The following SH3GL3 variants were observed in gnomAD, a reference collection of about 807,000 sequenced individuals.
SH3GL3 encodes endophilin-A3.
In SH3GL3, 33 loss-of-function variants were observed where a neutral mutation model predicts 47.7. That is an observed-to-expected ratio of 0.69 (90% CI 0.52 to 0.92). SH3GL3 has a LOEUF of 0.92. Among genes scored for constraint, SH3GL3 ranks in the 40% least tolerant of loss-of-function variants. The probability of loss-of-function intolerance (pLI) is 0.00; values close to 1 mark genes in which losing one functional copy is unlikely to be tolerated. For missense variants in SH3GL3, 363 were observed against 417.8 expected (o/e 0.87, Z 1.14); for synonymous variants, 155 against 148.8 (o/e 1.04, Z -0.30).
At chr15:83,583,460 C>T (rs1657707805) in intron 6 of SH3GL3, among the ~76,000 whole-genome samples, 1 of 152,192 alleles carries the variant, frequency 6.6e-6, no homozygotes, top group Non-Finnish European at 1.5e-5. Flanking sequence ...TTGGGTACAG[C>T]CTAAGCCTTT....
the SH3GL3 span, among the ~76,000 whole-genome samples, chr15:83,624,989 G>T: frequency 6.6e-6 from 1 of 152,100 alleles, no homozygotes; most frequent in Non-Finnish European, 1.5e-5. Flanking sequence ...GGCCAGGCAC[G>T]GTGGCTTATG....
intron 1 of SH3GL3, among the ~76,000 whole-genome samples, chr15:83,529,146 G>A (rs1284706704): frequency 6.6e-6 from 1 of 152,174 alleles, no homozygotes; most frequent in Non-Finnish European, 1.5e-5. Flanking sequence ...GCTTTGCTGG[G>A]GATGCCTTTG....
rs527677543 is a variant in SH3GL3, at chr15:83,527,539, C to T, written c.46-31714C>T. Among the ~76,000 whole-genome samples the T allele has an allele frequency of 2.6e-5, 4 of 152,150 alleles. No homozygotes were observed. In the South Asian group the frequency reaches 6.2e-4, roughly 24 times the overall value. ...TGACATAAATATAGCCATTCCTGCT[C>T]ACTTTTGGTTTCTGTTTGTGCAGAA... is the stretch of plus-strand genomic sequence containing the variant. On this transcript the variant is annotated intron_variant, in intron 1 of 8. Coordinates refer to ENST00000427482, the MANE Select transcript of SH3GL3 (RefSeq NM_003027.5).
chr15:83,562,077 ACACACT>A (rs1343427806), intron 2 of SH3GL3, among the ~76,000 whole-genome samples: 6 of 123,952 alleles, frequency 4.8e-5, no homozygotes, highest in Non-Finnish European at 9.3e-5. Flanking sequence ...ACACACACAC[ACACACT>A]ATAGTGTCCC....
downstream of SH3GL3, among the ~76,000 whole-genome samples, chr15:83,619,136 C>T (rs2060899427): frequency 6.6e-6 from 1 of 152,198 alleles, no homozygotes; most frequent in Non-Finnish European, 1.5e-5. Context: ...TAGTTACATG[C>T]TTTGGCCCAC....
At chr15:83,580,210 G>A (rs1266488247) in intron 6 of SH3GL3, among the ~76,000 whole-genome samples, 1 of 152,146 alleles carries the variant, frequency 6.6e-6, no homozygotes, top group Non-Finnish European at 1.5e-5. Context: ...TTTCCTGGTG[G>A]GGAAGTCCTG....
chr15:83,486,723 C>G (rs1167002614), intron 1 of SH3GL3, among the ~76,000 whole-genome samples: 1 of 152,162 alleles, frequency 6.6e-6, no homozygotes, highest in Non-Finnish European at 1.5e-5. Context: ...TCAGCTCAGA[C>G]TGCTATAACA....
At chr15:83,585,532 T>C (rs942495866) in intron 6 of SH3GL3, among the ~76,000 whole-genome samples, 9 of 152,230 alleles carry the variant, frequency 5.9e-5, no homozygotes, top group African/African-American at 2.2e-4. Context: ...ACTCTAGCAC[T>C]GTAAGGAAGA....
At chr15:83,579,314 A>G (rs992111884) in intron 6 of SH3GL3, among the ~76,000 whole-genome samples, 27 of 152,274 alleles carry the variant, frequency 1.8e-4, no homozygotes, top group African/African-American at 6.5e-4. Context: ...ATTGACCTGC[A>G]GGTGAGTGGA....
chr15:83,597,514 A>T (rs890334000), intron 8 of SH3GL3, among the ~76,000 whole-genome samples: 2 of 152,120 alleles, frequency 1.3e-5, no homozygotes, highest in African/African-American at 4.8e-5. Flanking sequence ...TTTTTAAAAA[A>T]TTTTACAAGT....
intron 2 of SH3GL3, among the ~76,000 whole-genome samples, chr15:83,561,250 G>A (rs1443781648): frequency 6.6e-6 from 1 of 151,956 alleles, no homozygotes; most frequent in African/African-American, 2.4e-5. Flanking sequence ...AAAAAAACTC[G>A]ATAAATTTCC....
chr15:83,524,580 C>CG, intron 1 of SH3GL3, among the ~76,000 whole-genome samples: 1 of 152,154 alleles, frequency 6.6e-6, no homozygotes, highest in African/African-American at 2.4e-5. Flanking sequence ...TAATTATAGT[C>CG]ACCCTACTCT....
intron 1 of SH3GL3, among the ~76,000 whole-genome samples, chr15:83,457,069 T>A (rs1338963284): frequency 6.6e-6 from 1 of 152,234 alleles, no homozygotes; most frequent in Non-Finnish European, 1.5e-5. Flanking sequence ...TGTATGCTTA[T>A]TTCATAGTAA....
chr15:83,496,239 G>T (rs764290472), intron 1 of SH3GL3, among the ~76,000 whole-genome samples: 14 of 151,530 alleles, frequency 9.2e-5, no homozygotes, highest in Non-Finnish European at 1.9e-4. Context: ...CGTGCCTGTA[G>T]TCTCAGCTAC....
At chr15:83,475,748 G>A (rs529889958) in intron 1 of SH3GL3, among the ~76,000 whole-genome samples, 10 of 152,270 alleles carry the variant, frequency 6.6e-5, no homozygotes, top group East Asian at 1.9e-4. Flanking sequence ...TCATGACTTC[G>A]CACTTACAGC....
At chr15:83,593,815 T>A (rs1195647855) in intron 8 of SH3GL3, among the ~76,000 whole-genome samples, 2 of 148,894 alleles carry the variant, frequency 1.3e-5, no homozygotes, top group East Asian at 2.0e-4. Context: ...AGATTTTTCA[T>A]AGATTTTTTT....
chr15:83,596,928 G>A (rs1168443565), intron 8 of SH3GL3, among the ~76,000 whole-genome samples: 1 of 151,538 alleles, frequency 6.6e-6, no homozygotes, highest in Non-Finnish European at 1.5e-5. Flanking sequence ...TTTTTATTCT[G>A]CCCTCTGAGG....
chr15:83,464,053 C>T (rs966341678), intron 1 of SH3GL3, among the ~76,000 whole-genome samples: 2 of 152,248 alleles, frequency 1.3e-5, no homozygotes, highest in South Asian at 2.1e-4. Flanking sequence ...TGAGCCACCG[C>T]GCCAGGCCCT....
At chr15:83,556,287 G>T (rs2044955877) in intron 1 of SH3GL3, among the ~76,000 whole-genome samples, 1 of 152,152 alleles carries the variant, frequency 6.6e-6, no homozygotes, top group South Asian at 2.1e-4. Context: ...TAATTACGTG[G>T]CCTAAACAGC....
Sources: allele counts gnomAD v4.1 joint callset (sites outside exome capture counted in the v4.1 genomes callset), GRCh38; gene constraint gnomAD v4.1.1; transcripts MANE v1.5; gene names NCBI Gene and HGNC (gene_info 2026-07-23, HGNC 2026-07-21).